Variants in MAPK13 observed in about 807,000 individuals in gnomAD.
MAPK13 encodes MAP kinase 13.
In MAPK13, 39 loss-of-function variants were observed where a neutral mutation model predicts 53.5. The observed-to-expected ratio is 0.73, with a 90% CI of 0.56 to 0.95. The LOEUF (loss-of-function observed/expected upper bound fraction) is 0.95. MAPK13 is among the 40% of genes least tolerant of loss of function. The pLI is 0.00. For synonymous variants in MAPK13, 179 were observed against 190.9 expected, an observed-to-expected ratio of 0.94 and a Z score of 0.51; for missense variants, 460 against 471.8, an observed-to-expected ratio of 0.98 and a Z score of 0.23.
rs925926954 is a variant in MAPK13 at position 36,131,337 on chromosome 6, C to A, written c.186C>A (p.Ser62=). ...AGAAGCTGAGCCGACCCTTTCAGTC[C>A]GAGATCTTCGCCAAGCGCGCCTACC... ...AIKKLSRPFQ[S]EIFAKRAYRE... The change falls in exon 2 of 12, where the codon TCC becomes TCA. Residue 62 remains serine, a synonymous_variant. Transcript: ENST00000211287. The A allele has an allele frequency of 1.2e-6, 2 of 1,613,906 alleles. No individual in the cohort carries two copies. The highest frequency in any genetic ancestry group is 1.7e-6 in the Non-Finnish European group (2 of 1,179,924).
Position 36,136,893 on chromosome 6 carries a change from G to A in MAPK13, c.625G>A (p.Val209Met). 2 of 1,614,212 alleles carry A rather than the reference G, an allele frequency of 1.2e-6. No homozygotes were observed. Among genetic ancestry groups the A allele is most frequent in the Non-Finnish European group, 1.7e-6 (2 of 1,180,012 alleles). ...HYNQTVDIWS[V>M]GCIMAEMLTG... is the part of the protein sequence containing the mutation. ...TCCCTCTGCAGTGGACATCTGGTCT[G>A]TGGGCTGTATCATGGCAGAGATGCT... Residue 209 changes from valine (V) to methionine (M), a missense_variant, in exon 8 of 12, where the codon GTG (valine) becomes ATG (methionine). Coordinates refer to ENST00000211287, the MANE Select transcript of MAPK13 (RefSeq NM_002754.5).
rs1258947855 is a variant in MAPK13 at position 36,142,822 on chromosome 6, T to C, written c.*3449T>C. ...GCCCCTCCCACAGAGTTTTCTCAAA[T>C]CTGTGAAGTTTCTTCAAAAGGCGGT... On this transcript the variant is annotated 3_prime_UTR_variant, in exon 12 of 12. Coordinates refer to ENST00000211287, the MANE Select transcript of MAPK13 (RefSeq NM_002754.5). The surrounding 1 kb of genome is among the most constrained non-coding windows in gnomAD (Gnocchi z 4.4). The C allele has an allele frequency of 2.6e-5, 4 of 151,932 alleles. No homozygotes were observed. Among genetic ancestry groups the C allele is most frequent in the African/African-American group, 9.7e-5 (4 of 41,382 alleles). The allele number at this position is 151,932 out of a possible 1,614,324, so 9.4% of individuals were successfully genotyped here.
At chr6:36,132,457 G>T (rs1205166581) in intron 2 of MAPK13, among the ~76,000 whole-genome samples, 164 bp from the exon 3 acceptor site, 1 of 152,182 alleles carries the variant, frequency 6.6e-6, no homozygotes, top group Non-Finnish European at 1.5e-5. Flanking sequence ...GATTCCTCTA[G>T]GCCTCTGCCC....
rs1015200632 is a variant in MAPK13 at position 36,144,170 on chromosome 6, T to C, written c.*4797T>C. ...GGCATGCACCACCATGCCTGGCTAA[T>C]TTCAGAATAATATTTTCATACACAT... On this transcript the variant is annotated 3_prime_UTR_variant, in exon 12 of 12. Transcript: ENST00000211287. 4.6e-5 allele frequency: 7 copies of C among 152,190 alleles called. No individual in the cohort carries two copies. The highest frequency in any genetic ancestry group is 1.4e-4 in the African/African-American group (6 of 41,436). 9.4% of individuals were successfully genotyped at this position (152,190 alleles called of 1,614,324 possible).
At chr6:36,138,676 G>T in intron 9 of MAPK13, 26 bp from the exon 10 acceptor site, 3 of 1,607,622 alleles carry the variant, frequency 1.9e-6, no homozygotes, top group Non-Finnish European at 2.6e-6. Context: ...GAGCCCTAAG[G>T]GGTTTGATGC....
intron 9 of MAPK13, 123 bp downstream of exon 9, chr6:36,138,567 G>A: frequency 7.9e-7 from 1 of 1,261,804 alleles, no homozygotes; most frequent in Middle Eastern, 1.9e-4. Context: ...CTCCTACCCT[G>A]GCAGGCACTC....
rs1272345792 is a variant in MAPK13, at chr6:36,131,387, T to A, written c.236T>A (p.Met79Lys). 4.3e-6 allele frequency: 7 copies of A among 1,613,114 alleles called. No homozygotes were observed. The highest frequency in any genetic ancestry group is 3.3e-5 in the South Asian group (3 of 91,034). Reference protein sequence around the residue: ...AYRELLLLKHMQHENVIGLLD... With the variant: ...AYRELLLLKHKQHENVIGLLD... The stretch of plus-strand genomic sequence containing the variant: ...CGGGAGCTGCTGCTGCTGAAGCACA[T>A]GCAGCATGAGAACGTAGGTGGTGGC... Residue 79 changes from methionine (M) to lysine (K), a missense_variant, in exon 2 of 12, where the codon ATG (methionine) becomes AAG (lysine). Met to Lys is a moderately conservative substitution (Grantham distance 95). Coordinates refer to ENST00000211287, the MANE Select transcript of MAPK13 (RefSeq NM_002754.5).
At chr6:36,132,898 T>C (rs184520437) in intron 3 of MAPK13, among the ~76,000 whole-genome samples, 32 of 152,276 alleles carry the variant, frequency 2.1e-4, no homozygotes, top group African/African-American at 7.2e-4. Flanking sequence ...GTGGGGTGCT[T>C]GCCTGGCAGG....
Position 36,135,900 on chromosome 6 carries a change from G to T in MAPK13, c.417+39G>T, listed in dbSNP as rs979802247. On this transcript the variant is annotated intron_variant, in intron 4 of 11. Transcript: ENST00000211287. Reference sequence around the variant, plus strand: ...TGGAGGCTGGCAGAGGGGACGCCTTGCTGTCTAGACCTGAGGTTTGGGGAG... The same window carrying T: ...TGGAGGCTGGCAGAGGGGACGCCTTTCTGTCTAGACCTGAGGTTTGGGGAG... The T allele has an allele frequency of 2.5e-6, 4 of 1,597,158 alleles. No individual in the cohort carries two copies. The Admixed American group carries it at 5.0e-5, about 20-fold the overall frequency.
Position 36,135,753 on chromosome 6 carries a change from C to T in MAPK13, c.309C>T (p.Phe103=). 6.2e-7 allele frequency: 1 copy of T among 1,610,918 alleles called. No individual in the cohort carries two copies. The highest frequency in any genetic ancestry group is 1.1e-5 in the South Asian group (1 of 90,682). The change falls in exon 4 of 12, where the codon TTC becomes TTT. Residue 103 remains phenylalanine, a splice_region_variant and synonymous_variant. Coordinates refer to ENST00000211287, the MANE Select transcript of MAPK13 (RefSeq NM_002754.5). The part of the protein sequence containing the change: ...PASSLRNFYD[F]YLVMPFMQTD... ...TCCAAGAACCCCTCATGCCTTCCAG[C>T]TACCTGGTGATGCCCTTCATGCAGA... is the stretch of plus-strand genomic sequence containing the variant.
chr6:36,134,427 G>A (rs1211436852), intron 3 of MAPK13, among the ~76,000 whole-genome samples: 1 of 152,144 alleles, frequency 6.6e-6, no homozygotes, highest in African/African-American at 2.4e-5. Flanking sequence ...AGATAGGGCT[G>A]GGTTGCCCAG....
chr6:36,141,294 T>C lies in MAPK13; in HGVS notation c.*1921T>C, dbSNP rs1457003340. The C allele has an allele frequency of 6.6e-6, 1 of 152,192 alleles. No individual in the cohort carries two copies. The highest frequency in any genetic ancestry group is 1.9e-4 in the East Asian group (1 of 5,200). 9.4% of individuals were successfully genotyped at this position (152,192 alleles called of 1,614,324 possible). A position where few individuals can be genotyped will look rare whatever the true frequency, so the allele number is the denominator to read the frequency against. On this transcript the variant is annotated 3_prime_UTR_variant, in exon 12 of 12. Coordinates refer to ENST00000211287, the MANE Select transcript of MAPK13 (RefSeq NM_002754.5). ...AATTGTGCCACACTAATGCAAGATG[T>C]TACTCATCAAGAAAACTGAGGAGAG...
In MAPK13 at chr6:36,139,805, G is replaced by A. The variant is rs1766500185; in HGVS notation, c.*432G>A. On this transcript the variant is annotated 3_prime_UTR_variant, in exon 12 of 12. Transcript: ENST00000211287. ...GGGATGGAGGTGTTGGCAGGGCTGT[G>A]GTCCCTTTGAAGGCTCTGGGGAAGA... 6.0e-6 allele frequency: 1 copy of A among 168,064 alleles called. No individual in the cohort carries two copies. Among genetic ancestry groups the A allele is most frequent in the Non-Finnish European group, 1.3e-5 (1 of 77,692 alleles). 10.4% of individuals were successfully genotyped at this position (168,064 alleles called of 1,614,324 possible).
chr6:36,132,373 A>T (rs1287526145), intron 2 of MAPK13, among the ~76,000 whole-genome samples: 1 of 152,108 alleles, frequency 6.6e-6, no homozygotes, highest in Non-Finnish European at 1.5e-5. Flanking sequence ...AGCACACATC[A>T]TTCTCCCCAC....
chr6:36,141,630 C>T lies in MAPK13; in HGVS notation c.*2257C>T, dbSNP rs1766534253. On this transcript the variant is annotated 3_prime_UTR_variant, in exon 12 of 12. Transcript: ENST00000211287. ...GAGGTTGCAGTGAGCTGAGATCACA[C>T]CACTGCACTCCAGCCTGGGTGACAG... is the stretch of plus-strand genomic sequence containing the variant. The T allele has an allele frequency of 6.5e-6, 1 of 152,674 alleles. No individual in the cohort carries two copies. The highest frequency in any genetic ancestry group is 1.5e-5 in the Non-Finnish European group (1 of 68,506). The allele number at this position is 152,674 out of a possible 1,614,324, so 9.5% of individuals were successfully genotyped here.
rs1466702692 is a variant in MAPK13 at position 36,139,296 on chromosome 6, C to T, written c.1021C>T (p.His341Tyr). ...EKLTVDEWKQ[H>Y]IYKEIVNFSP... ...TTAAACCATGCTGCCTTTCTCAGAG[C>T]ACATCTACAAGGAGATTGTGAACTT... The change falls in exon 12 of 12, where the codon CAC becomes TAC. Residue 341 changes from histidine to tyrosine, a missense_variant and splice_region_variant. Coordinates refer to ENST00000211287, the MANE Select transcript of MAPK13 (RefSeq NM_002754.5). 1 of 1,613,804 alleles carries T rather than the reference C, an allele frequency of 6.2e-7. No individual in the cohort carries two copies. Among genetic ancestry groups the T allele is most frequent in the Non-Finnish European group, 8.5e-7 (1 of 1,179,812 alleles).
intron 8 of MAPK13, 44 bp from the exon 9 acceptor site, chr6:36,138,321 A>C: frequency 3.3e-6 from 5 of 1,510,754 alleles, no homozygotes; most frequent in Non-Finnish European, 4.6e-6. Context: ...GGGCAGTCTC[A>C]GACCCACCAG....
Position 36,136,476 on chromosome 6 carries a change from C to T in MAPK13, c.448-8C>T. On this transcript the variant is annotated splice_polypyrimidine_tract_variant and splice_region_variant and intron_variant, in intron 5 of 11. Coordinates refer to ENST00000211287, the MANE Select transcript of MAPK13 (RefSeq NM_002754.5). ...CAGCCTAGCATGCATTCTCTGTCCT[C>T]CCCCCAGGACCTGAAGCCAGGCAAC... is the stretch of plus-strand genomic sequence containing the variant. 6.3e-7 allele frequency: 1 copy of T among 1,584,606 alleles called. No individual in the cohort carries two copies. The highest frequency in any genetic ancestry group is 8.6e-7 in the Non-Finnish European group (1 of 1,166,924).
At chr6:36,135,047 G>C (rs930285674) in intron 3 of MAPK13, among the ~76,000 whole-genome samples, 5 of 152,320 alleles carry the variant, frequency 3.3e-5, no homozygotes, top group African/African-American at 1.2e-4. Flanking sequence ...AGAAAGATGG[G>C]TCCCTATGTT....
Sources: allele counts gnomAD v4.1 joint callset (sites outside exome capture counted in the v4.1 genomes callset), GRCh38; gene constraint gnomAD v4.1.1; non-coding constraint Gnocchi (gnomAD v3.1); transcripts MANE v1.5; gene names NCBI Gene and HGNC (gene_info 2026-07-23, HGNC 2026-07-21).